CMKLR1: variants seen among roughly 807,000 people sequenced by gnomAD.
CMKLR1 encodes the protein chemerin chemokine-like receptor 1, also known as chemerin-like receptor 1.
A neutral mutation model predicts 8.2 loss-of-function variants in CMKLR1; 6 were observed. The observed-to-expected ratio is 0.73, with a 90% CI of 0.40 to 1.44. The LOEUF is 1.44. CMKLR1 is among the 40% of genes most tolerant of loss of function. The probability of loss-of-function intolerance (pLI) is 0.02; values close to 1 mark genes in which losing one functional copy is unlikely to be tolerated. For missense variants in CMKLR1, 429 were observed against 478.0 expected (o/e 0.90, Z 0.96); for synonymous variants, 178 against 181.2 (o/e 0.98, Z 0.14).
chr12:108,309,008 G>T (rs79529261), intron 2 of CMKLR1, among the ~76,000 whole-genome samples: 4 of 152,088 alleles, frequency 2.6e-5, no homozygotes, highest in Non-Finnish European at 5.9e-5. Flanking sequence ...AGACTGCCTC[G>T]GTTTGAATCC....
chr12:108,336,608 C>G (rs190313496), intron 1 of CMKLR1, among the ~76,000 whole-genome samples: 1 of 151,894 alleles, frequency 6.6e-6, no homozygotes, highest in Non-Finnish European at 1.5e-5. Flanking sequence ...AGAGATTGCA[C>G]TTTGAGAAGC....
chr12:108,319,737 T>G (rs1357208346), intron 2 of CMKLR1, among the ~76,000 whole-genome samples: 1 of 152,218 alleles, frequency 6.6e-6, no homozygotes, highest in African/African-American at 2.4e-5. Flanking sequence ...ATCTTACCAT[T>G]ATATGACTTG....
At chr12:108,327,808 G>A (rs1380512821) in intron 2 of CMKLR1, among the ~76,000 whole-genome samples, 4 of 152,326 alleles carry the variant, frequency 2.6e-5, no homozygotes, top group Admixed American at 6.5e-5. Flanking sequence ...AAGGAAGAAC[G>A]AGGAGGTGCA....
chr12:108,323,019 A>G (rs551915239), intron 2 of CMKLR1, among the ~76,000 whole-genome samples: 1 of 152,196 alleles, frequency 6.6e-6, no homozygotes, highest in Non-Finnish European at 1.5e-5. Context: ...CTTCAGCCAG[A>G]CAGTGCCCAC....
chr12:108,295,625 G>C (rs1307813612), intron 2 of CMKLR1, among the ~76,000 whole-genome samples: 1 of 152,240 alleles, frequency 6.6e-6, no homozygotes, highest in Non-Finnish European at 1.5e-5. Flanking sequence ...AATGGCATCT[G>C]AGTTGAGTTT....
intron 2 of CMKLR1, among the ~76,000 whole-genome samples, chr12:108,319,352 C>T (rs1046639861): frequency 3.3e-5 from 5 of 152,184 alleles, no homozygotes; most frequent in Non-Finnish European, 7.3e-5. Context: ...AGAGGTCAAG[C>T]AACTTGCCCA....
rs369606579 is a variant in CMKLR1, at chr12:108,310,745, C to T, written c.-73-17081G>A. On this transcript the variant is annotated intron_variant, in intron 2 of 3. Coordinates refer to ENST00000550402, the MANE Select transcript of CMKLR1 (RefSeq NM_001142343.2). Reference sequence around the variant, plus strand: ...CTGGGGGCTGGGAGCCATCTTCCCCCGGAGTCCATGATGCCACAGATAAGC... The same window carrying T: ...CTGGGGGCTGGGAGCCATCTTCCCCTGGAGTCCATGATGCCACAGATAAGC... Among the ~76,000 whole-genome samples the T allele has an allele frequency of 1.0e-3, 152 of 152,268 alleles. 5 individuals are homozygous for T. In the South Asian group the frequency reaches 0.029, roughly 29 times the overall value.
chr12:108,304,926 T>C (rs2137308885), intron 2 of CMKLR1, among the ~76,000 whole-genome samples: 1 of 152,348 alleles, frequency 6.6e-6, no homozygotes, highest in Admixed American at 6.5e-5. Flanking sequence ...TAAGAGCCCA[T>C]CAGGGAAACT....
intron 2 of CMKLR1, among the ~76,000 whole-genome samples, chr12:108,329,731 G>T (rs372487389): frequency 2.0e-5 from 3 of 152,252 alleles, no homozygotes; most frequent in African/African-American, 7.2e-5. Context: ...TTACTCACCT[G>T]TCTCCCACTC....
intron 2 of CMKLR1, among the ~76,000 whole-genome samples, chr12:108,321,089 T>C (rs948138715): frequency 6.6e-6 from 1 of 152,128 alleles, no homozygotes; most frequent in African/African-American, 2.4e-5. Context: ...CAGAGCACAA[T>C]GCTCACTCCA....
At chr12:108,306,031 G>C (rs545203117) in intron 2 of CMKLR1, among the ~76,000 whole-genome samples, 1 of 152,280 alleles carries the variant, frequency 6.6e-6, no homozygotes, top group Non-Finnish European at 1.5e-5. Flanking sequence ...TACTCCTTGA[G>C]CCTTAAAAGC....
chr12:108,329,160 A>G (rs1892047567), intron 2 of CMKLR1, among the ~76,000 whole-genome samples: 1 of 152,170 alleles, frequency 6.6e-6, no homozygotes, highest in Admixed American at 6.5e-5. Context: ...TAATCAACTG[A>G]GTTTGGAGAG....
chr12:108,332,249 G>A (rs538240378), intron 1 of CMKLR1, among the ~76,000 whole-genome samples: 2 of 152,188 alleles, frequency 1.3e-5, no homozygotes, highest in South Asian at 2.1e-4. Flanking sequence ...AACAATAGGT[G>A]GCCGGGCTCA....
Position 108,292,261 on chromosome 12 carries a change from GAGGACTGGGACC to G in CMKLR1, c.690_701del (p.Val231_Leu234del). On this transcript the variant is annotated inframe_deletion, in exon 4 of 4. Coordinates refer to ENST00000550402, the MANE Select transcript of CMKLR1 (RefSeq NM_001142343.2). Reference sequence around the variant, plus strand: ...TGGTGAGGTAGCAAGCTGTGATGATGAGGACTGGGACCAGGAAGCCACAGAGGAAGCGGGTGA... The same window carrying G: ...TGGTGAGGTAGCAAGCTGTGATGATGAGGAAGCCACAGAGGAAGCGGGTGA... 6.2e-7 allele frequency: 1 copy of G among 1,614,180 alleles called. No individual in the cohort carries two copies.
rs538004442 is a variant in CMKLR1 at position 108,323,995 on chromosome 12, C to T, written c.-74+6000G>A. ...AGAGACCAGGGGTCTACAGTCCAGC[C>T]CTGGCAGGTCCCCTCCCTGTCAGAG... On this transcript the variant is annotated intron_variant, in intron 2 of 3. Coordinates refer to ENST00000550402, the MANE Select transcript of CMKLR1 (RefSeq NM_001142343.2). Among the ~76,000 whole-genome samples the T allele has an allele frequency of 2.2e-3, 336 of 152,276 alleles. 1 individual carries two copies. Among genetic ancestry groups the T allele is most frequent in the African/African-American group, 8.0e-3 (331 of 41,560 alleles).
chr12:108,327,635 C>T (rs1349749444), intron 2 of CMKLR1, among the ~76,000 whole-genome samples: 1 of 152,208 alleles, frequency 6.6e-6, no homozygotes, highest in South Asian at 2.1e-4. Context: ...CAGGTAGGTA[C>T]TTGGCTTATA....
intron 1 of CMKLR1, among the ~76,000 whole-genome samples, chr12:108,336,440 G>A (rs371387483): frequency 6.6e-6 from 1 of 152,130 alleles, no homozygotes; most frequent in Admixed American, 6.5e-5. Flanking sequence ...CAGCTACTTG[G>A]GAGGCTGAGG....
chr12:108,317,976 A>G (rs1891773152), intron 2 of CMKLR1: 1 of 152,176 alleles, frequency 6.6e-6, no homozygotes, highest in Non-Finnish European at 1.5e-5. Flanking sequence ...TAAACACATT[A>G]TTTTGCAACT....
At chr12:108,303,893 G>C (rs75978882) in intron 2 of CMKLR1, among the ~76,000 whole-genome samples, 93 of 152,364 alleles carry the variant, frequency 6.1e-4, no homozygotes, top group African/African-American at 2.2e-3. Flanking sequence ...CATCCTCCAA[G>C]GACATGTGGA....
Sources: gnomAD v4.1 joint callset for allele counts (sites outside exome capture counted in the v4.1 genomes callset) on GRCh38, gnomAD v4.1.1 for gene constraint, MANE v1.5 for transcripts, NCBI Gene and HGNC (gene_info 2026-07-23, HGNC 2026-07-21) for gene names.